TAB2: variants seen among roughly 807,000 people sequenced by gnomAD.
The protein encoded by TAB2 is TGF-beta-activated kinase 1 and MAP3K7-binding protein 2.
Under a neutral mutation model 65.0 loss-of-function variants are expected in TAB2, and 3 were observed. The ratio of observed to expected loss-of-function variants is 0.05; its 90% CI spans 0.02 to 0.12. The LOEUF is 0.12. Ranked by LOEUF, TAB2 falls within the 10% of genes least tolerant of loss-of-function variation. The pLI is 1.00. For missense variants in TAB2, 623 were observed against 840.3 expected (o/e 0.74, Z 3.20); for synonymous variants, 298 against 285.1 (o/e 1.05, Z -0.46).
Position 149,409,853 on chromosome 6 carries a change from T to A in TAB2, c.*134T>A. ...TGACAAGATGGTGTTCTGCTAATGT[T>A]AAATGTCAGCCCACAGAGCTAATAA... On this transcript the variant is annotated 3_prime_UTR_variant, in exon 7 of 7. Coordinates refer to ENST00000637181, the MANE Select transcript of TAB2 (RefSeq NM_001292034.3). 1.0e-6 allele frequency: 1 copy of A among 1,001,448 alleles called. No homozygotes were observed. Among genetic ancestry groups the A allele is most frequent in the Non-Finnish European group, 1.5e-6 (1 of 645,968 alleles). The allele number at this position is 1,001,448 out of a possible 1,614,324, so 62.0% of individuals were successfully genotyped here.
intron 1 of TAB2, among the ~76,000 whole-genome samples, chr6:149,230,658 C>T (rs541533877): frequency 6.6e-6 from 1 of 152,268 alleles, no homozygotes; most frequent in East Asian, 1.9e-4. Context: ...ATAATAAGCT[C>T]ATTGACAGTT....
chr6:149,301,571 C>G (rs1347543958), intron 1 of TAB2, among the ~76,000 whole-genome samples: 12 of 152,188 alleles, frequency 7.9e-5, no homozygotes. Context: ...TGAACCCATC[C>G]TTGTAGGTGC....
chr6:149,274,323 A>T (rs1361476002), intron 1 of TAB2, among the ~76,000 whole-genome samples: 1 of 152,194 alleles, frequency 6.6e-6, no homozygotes. Context: ...GGAGTCACAG[A>T]CTCTACAACC....
At chr6:149,379,696 TTTA>T (rs1781547112) in intron 3 of TAB2, among the ~76,000 whole-genome samples, 178 bp downstream of exon 3, 2 of 152,218 alleles carry the variant, frequency 1.3e-5, no homozygotes, top group East Asian at 1.9e-4. Flanking sequence ...TTAATTTTAT[TTTA>T]TTATTATAAA....
intron 1 of TAB2, among the ~76,000 whole-genome samples, chr6:149,356,915 A>G (rs1780671788): frequency 6.6e-6 from 1 of 152,206 alleles, no homozygotes; most frequent in Non-Finnish European, 1.5e-5. Context: ...TCACCTATCC[A>G]TAGAATTTTT....
At position 149,392,932 on chromosome 6, in the gene TAB2, T is replaced by G. The variant is rs531722818; in HGVS notation, c.1604-4672T>G. Among the ~76,000 whole-genome samples, 596 of 151,940 alleles carry G rather than the reference T, an allele frequency of 3.9e-3. 2 individuals are homozygous for G. The highest frequency in any genetic ancestry group is 6.6e-3 in the Non-Finnish European group (449 of 68,046). ...TATTTTGTAAACTCAAGGTTAAACT[T>G]GCAGACAAAACTCACAGCTAGAGAA... On this transcript the variant is annotated intron_variant, in intron 3 of 6. Coordinates refer to ENST00000637181, the MANE Select transcript of TAB2 (RefSeq NM_001292034.3).
rs878961826 is a variant in TAB2 at position 149,370,015 on chromosome 6, C to T, written c.18C>T (p.His6=). 2.5e-6 allele frequency: 4 copies of T among 1,614,084 alleles called. No individual in the cohort carries two copies. The Admixed American group carries it at 5.0e-5, about 20-fold the overall frequency. Residue 6 remains histidine, a synonymous_variant, in exon 2 of 7, where the codon CAC becomes CAT. Transcript: ENST00000637181. Reference sequence around the variant, plus strand: ...ATATACGAATGGCCCAAGGAAGCCACCAAATTGATTTTCAGGTTTTACATG... The same window carrying T: ...ATATACGAATGGCCCAAGGAAGCCATCAAATTGATTTTCAGGTTTTACATG... MAQGS[H]QIDFQVLHDL...
At chr6:149,346,234 C>G (rs1562425909) in intron 1 of TAB2, among the ~76,000 whole-genome samples, 2 of 152,086 alleles carry the variant, frequency 1.3e-5, no homozygotes, top group Non-Finnish European at 2.9e-5. Context: ...TTATCATACT[C>G]CTAGTGCTAT....
Position 149,409,725 on chromosome 6 carries a change from A to C in TAB2, c.*6A>C, listed in dbSNP as rs1042617472. 1 of 1,614,024 alleles carries C rather than the reference A, an allele frequency of 6.2e-7. No homozygotes were observed. Among genetic ancestry groups the C allele is most frequent in the Non-Finnish European group, 8.5e-7 (1 of 1,179,896 alleles). Reference sequence around the variant, plus strand: ...AGATGCCAAGGCATTTCTGAGCCAAATGGCCCTGTATCTTCTCTAAAACCA... The same window carrying C: ...AGATGCCAAGGCATTTCTGAGCCAACTGGCCCTGTATCTTCTCTAAAACCA... On this transcript the variant is annotated 3_prime_UTR_variant, in exon 7 of 7. Coordinates refer to ENST00000637181, the MANE Select transcript of TAB2 (RefSeq NM_001292034.3).
At chr6:149,402,031 T>G (rs1782442048) in intron 6 of TAB2, among the ~76,000 whole-genome samples, 1 of 146,588 alleles carries the variant, frequency 6.8e-6, no homozygotes, top group Admixed American at 6.8e-5. Flanking sequence ...CAATTATACC[T>G]CAGGGAACCA....
Position 149,355,860 on chromosome 6 carries a change from C to G in TAB2, c.-89-14049C>G, listed in dbSNP as rs116264488. Among the ~76,000 whole-genome samples, 477 of 152,152 alleles carry G rather than the reference C, an allele frequency of 3.1e-3. 3 individuals carry two copies. Among genetic ancestry groups the G allele is most frequent in the African/African-American group, 0.011 (456 of 41,502 alleles). ...CTAAATTTGAGAAATATTGCATCTG[C>G]TGCTGCTACCCAAAGATTAACAGTG... On this transcript the variant is annotated intron_variant, in intron 1 of 6. Transcript: ENST00000637181.
chr6:149,297,158 C>T (rs779274908), intron 1 of TAB2, among the ~76,000 whole-genome samples: 22 of 152,062 alleles, frequency 1.4e-4, no homozygotes, highest in African/African-American at 3.9e-4. Flanking sequence ...TGGTTAGACA[C>T]GGACACCTTG....
chr6:149,259,334 T>TACACACACAC (rs61261942), intron 1 of TAB2, among the ~76,000 whole-genome samples: 3,292 of 145,986 alleles, frequency 0.023, 106 homozygotes, highest in African/African-American at 0.062. Context: ...ACGCTCCCTC[T>TACACACACAC]ACACACACAC....
At chr6:149,341,101 G>C (rs1156994587) in intron 1 of TAB2, among the ~76,000 whole-genome samples, 1 of 151,922 alleles carries the variant, frequency 6.6e-6, no homozygotes, top group East Asian at 1.9e-4. Flanking sequence ...TTTTAAAAAG[G>C]ATTATACCGG....
intron 6 of TAB2, among the ~76,000 whole-genome samples, chr6:149,403,329 TACATATATATACACACAC>T (rs1170371684): frequency 2.3e-4 from 13 of 55,804 alleles, no homozygotes; most frequent in South Asian, 1.7e-3. Flanking sequence ...CACATATATA[TACATATATATACACACAC>T]ACACACACAC....
intron 1 of TAB2, among the ~76,000 whole-genome samples, chr6:149,282,367 G>T (rs1778590867): frequency 6.6e-6 from 1 of 151,830 alleles, no homozygotes; most frequent in Admixed American, 6.6e-5. Flanking sequence ...CAAATAAATA[G>T]AAAGTCAGTA....
chr6:149,309,521 C>T (rs368731393), intron 1 of TAB2, among the ~76,000 whole-genome samples: 1 of 151,920 alleles, frequency 6.6e-6, no homozygotes, highest in Non-Finnish European at 1.5e-5. Flanking sequence ...CTCAGCCTCC[C>T]GAGTAGCTGG....
At chr6:149,321,385 A>AT (rs1320719861) in intron 1 of TAB2, 2 of 152,130 alleles carry the variant, frequency 1.3e-5, no homozygotes, top group African/African-American at 4.8e-5. Flanking sequence ...AAGCTAAAAA[A>AT]CCTGAGTAAG....
intron 1 of TAB2, among the ~76,000 whole-genome samples, chr6:149,253,958 A>AAAAGAAAGAAAGAAAGAAAGAAAG: frequency 1.3e-5 from 1 of 76,304 alleles, no homozygotes; most frequent in Non-Finnish European, 2.7e-5. Context: ...GAAAGAAAGA[A>AAAAGAAAGAAAGAAAGAAAGAAAG]AAAGAAAGAA....
Sources: allele counts gnomAD v4.1 joint callset (sites outside exome capture counted in the v4.1 genomes callset), GRCh38; gene constraint gnomAD v4.1.1; transcripts MANE v1.5; gene names NCBI Gene and HGNC (gene_info 2026-07-23, HGNC 2026-07-21).